ZNF652: variants seen among roughly 807,000 people sequenced by gnomAD.
ZNF652 encodes zinc finger protein 652.
Under a neutral mutation model 45.2 loss-of-function variants are expected in ZNF652, and 16 were observed. The ratio of observed to expected loss-of-function variants is 0.35; its 90% confidence interval spans 0.24 to 0.54. The LOEUF (loss-of-function observed/expected upper bound fraction) is 0.54, where lower values mean the gene tolerates loss of function less well. Among genes scored for constraint, ZNF652 ranks in the 20% least tolerant of loss-of-function variants. The pLI is 0.91. For synonymous variants in ZNF652, 250 were observed against 260.6 expected (o/e 0.96, Z 0.39); for missense variants, 614 against 765.6 (o/e 0.80, Z 2.34).
rs1409034305 is a variant in ZNF652 at position 49,301,593 on chromosome 17, C to T, written c.1310-2669G>A. On this transcript the variant is annotated intron_variant, in intron 5 of 5. Coordinates refer to ENST00000430262, the MANE Select transcript of ZNF652 (RefSeq NM_001145365.3). Reference sequence around the variant, plus strand: ...GATTACAGGTGTGAGCCACCACACCCGGCCCTCTTTACACTTTTCATTCTT... The same window carrying T: ...GATTACAGGTGTGAGCCACCACACCTGGCCCTCTTTACACTTTTCATTCTT... Among the ~76,000 whole-genome samples the T allele has an allele frequency of 3.3e-5, 5 of 152,154 alleles. No homozygotes were observed. In the East Asian group the frequency reaches 7.7e-4, roughly 23 times the overall value.
chr17:49,317,268 T>G lies in ZNF652; in HGVS notation c.458A>C (p.Glu153Ala). ...CTCTTCCTCACTCTCTTCCTCTTCC[T>G]CCTCACTGCTTGTCTTAAGAACAGG... ...ETPVLKTSSE[E>A]EEEESEEEAT... Residue 153 changes from glutamate (E) to alanine (A), a missense_variant, in exon 2 of 6, where the codon GAG becomes GCG. Around this residue, in one of 5 missense-constraint regions of ZNF652, gnomAD observed 262 missense variants for 306.3 expected, o/e 0.86. Transcript: ENST00000430262. 6.2e-7 allele frequency: 1 copy of G among 1,612,872 alleles called. No homozygotes were observed. The highest frequency in any genetic ancestry group is 8.5e-7 in the Non-Finnish European group (1 of 1,180,006).
At chr17:49,316,701 A>G in intron 2 of ZNF652, 125 bp downstream of exon 2, 1 of 1,045,374 alleles carries the variant, frequency 9.6e-7, no homozygotes, top group South Asian at 1.7e-5. Flanking sequence ...AGCTTTTCAA[A>G]TGATAAATTG....
chr17:49,309,720 C>A (rs540236877), intron 5 of ZNF652, among the ~76,000 whole-genome samples: 1 of 152,220 alleles, frequency 6.6e-6, no homozygotes, highest in East Asian at 1.9e-4. Flanking sequence ...TCAAAGTTAT[C>A]ATTTTCTTTT....
In ZNF652 at chr17:49,296,026, A is replaced by C. The variant is rs2069472545; in HGVS notation, c.*2387T>G. The C allele has an allele frequency of 6.6e-6, 1 of 151,876 alleles. No individual in the cohort carries two copies. Among genetic ancestry groups the C allele is most frequent in the African/African-American group, 2.4e-5 (1 of 41,380 alleles). The allele number at this position is 151,876 out of a possible 1,614,324, so 9.4% of individuals were successfully genotyped here. A position where few individuals can be genotyped will look rare whatever the true frequency, so the allele number is the denominator to read the frequency against. ...TACATCTTTTAAAAAAATCATTTTA[A>C]TACTACAGGCTTGACCATGAAATAA... On this transcript the variant is annotated 3_prime_UTR_variant, in exon 6 of 6. Transcript: ENST00000430262.
chr17:49,303,948 G>A (rs899720403), intron 5 of ZNF652, among the ~76,000 whole-genome samples: 4 of 151,852 alleles, frequency 2.6e-5, no homozygotes, highest in Non-Finnish European at 4.4e-5. Context: ...GAGTGCAGTG[G>A]TGTGATCTCA....
downstream of ZNF652, chr17:49,289,169 G>A (rs1433551827): frequency 1.3e-5 from 2 of 151,230 alleles, no homozygotes; most frequent in Non-Finnish European, 2.9e-5. Context: ...GTTGTCACCT[G>A]AGGGTAAGGA....
chr17:49,309,509 GAA>G (rs528221593), intron 5 of ZNF652, among the ~76,000 whole-genome samples: 4 of 132,366 alleles, frequency 3.0e-5, no homozygotes, highest in Admixed American at 7.8e-5. Flanking sequence ...CTCCATCTCG[GAA>G]AAAAAAAAAA....
At chr17:49,343,033 C>T (rs1300098879) in intron 1 of ZNF652, among the ~76,000 whole-genome samples, 1 of 152,022 alleles carries the variant, frequency 6.6e-6, no homozygotes, top group Non-Finnish European at 1.5e-5. Context: ...AGGTGCATGC[C>T]ACCACACCCG....
chr17:49,350,305 A>G (rs1252203989), intron 1 of ZNF652, among the ~76,000 whole-genome samples: 2 of 152,144 alleles, frequency 1.3e-5, no homozygotes, highest in Non-Finnish European at 2.9e-5. Context: ...TTGGGAGGCC[A>G]AGGCGGGCAG....
In ZNF652 at chr17:49,317,527, T is replaced by C. The variant is rs771573953; in HGVS notation, c.199A>G (p.Met67Val). Residue 67 changes from methionine (M) to valine (V), a missense_variant, in exon 2 of 6, where the codon ATG becomes GTG. Coordinates refer to ENST00000430262, the MANE Select transcript of ZNF652 (RefSeq NM_001145365.3). ...SPYSVLVDTK[M>V]SKPHLHETEE... is the part of the protein sequence containing the mutation. ...GTTTCATGGAGATGCGGTTTGCTCA[T>C]CTTGGTGTCCACTAACACAGAATAA... The C allele has an allele frequency of 1.2e-6, 2 of 1,614,160 alleles. No homozygotes were observed. The highest frequency in any genetic ancestry group is 1.7e-5 in the Admixed American group (1 of 60,024).
At chr17:49,312,184 G>A (rs1387438530) in intron 3 of ZNF652, 142 bp from the exon 4 acceptor site, 2 of 283,666 alleles carry the variant, frequency 7.1e-6, no homozygotes, top group Non-Finnish European at 1.2e-5. Context: ...TTTTTTTTTT[G>A]AGATGGAGTC....
In ZNF652 at chr17:49,348,513, A is replaced by C. The variant is rs1029281378; in HGVS notation, c.-259+13396T>G. 1.9e-4 allele frequency among the ~76,000 whole-genome samples: 24 copies of C among 128,298 alleles called. No homozygotes were observed. The South Asian group carries it at 2.6e-3, about 14-fold the overall frequency. 84.2% of individuals were successfully genotyped at this position (128,298 alleles called of 152,430 possible). A position where few individuals can be genotyped will look rare whatever the true frequency, so the allele number is the denominator to read the frequency against. On this transcript the variant is annotated intron_variant, in intron 1 of 5. Transcript: ENST00000430262. ...AGAAAAGAAAAGAAAAGAAAAGAAA[A>C]GAAAAGAAAAGAAAAGAAAAGAAAA...
intron 1 of ZNF652, among the ~76,000 whole-genome samples, chr17:49,340,549 CAAAAAAAA>C (rs1040246588): frequency 1.8e-4 from 9 of 50,126 alleles, no homozygotes; most frequent in South Asian, 1.5e-3. Context: ...GACTCTGTCT[CAAAAAAAA>C]AAAAAAAAAA....
chr17:49,312,788 T>C lies in ZNF652; in HGVS notation c.958A>G (p.Ile320Val). The C allele has an allele frequency of 1.2e-6, 2 of 1,614,036 alleles. No individual in the cohort carries two copies. The highest frequency in any genetic ancestry group is 1.7e-6 in the Non-Finnish European group (2 of 1,179,894). ...KLWSLHEHIK[I>V]VHGYAEKKFS... ...TTCTTTTCTGCATATCCATGGACGA[T>C]CTTGATATGTTCATGAAGGGACCAG... The change falls in exon 3 of 6, where the codon ATC (isoleucine) becomes GTC (valine). Residue 320 changes from isoleucine to valine, a missense_variant. Coordinates refer to ENST00000430262, the MANE Select transcript of ZNF652 (RefSeq NM_001145365.3).
chr17:49,327,730 A>AATATATAT (rs68056731), intron 1 of ZNF652, among the ~76,000 whole-genome samples: 14 of 61,408 alleles, frequency 2.3e-4, no homozygotes, highest in African/African-American at 7.5e-4. Flanking sequence ...TAAATAAATA[A>AATATATAT]ATATATATAT....
chr17:49,319,635 C>CAAAAAA (rs35770760), intron 1 of ZNF652, among the ~76,000 whole-genome samples: 2 of 46,248 alleles, frequency 4.3e-5, no homozygotes, highest in Non-Finnish European at 7.6e-5. Flanking sequence ...GACTCTGTCT[C>CAAAAAA]AAAAAAAAAA....
intron 5 of ZNF652, among the ~76,000 whole-genome samples, chr17:49,304,068 T>TTTTA (rs1555625476): frequency 0.021 from 3,067 of 144,654 alleles, 62 homozygotes; most frequent in Non-Finnish European, 0.031. Flanking sequence ...TTTTTTTTTT[T>TTTTA]TTTTTGTATT....
rs1368631655 is a variant in ZNF652, at chr17:49,293,634, T to A, written c.*4779A>T. Among the ~76,000 whole-genome samples, 1 of 130,218 alleles carries A rather than the reference T, an allele frequency of 7.7e-6. No individual in the cohort carries two copies. 85.4% of individuals were successfully genotyped at this position (130,218 alleles called of 152,430 possible). On this transcript the variant is annotated 3_prime_UTR_variant, in exon 6 of 6. Transcript: ENST00000430262. Reference sequence around the variant, plus strand: ...TGCATAATAATGCCACTATTTCTAATGGCTTATGACCTTTCATTCCTAAAA... The same window carrying A: ...TGCATAATAATGCCACTATTTCTAAAGGCTTATGACCTTTCATTCCTAAAA...
rs574622382 is a variant in ZNF652, at chr17:49,290,484, T to C, written c.*7929A>G. The C allele has an allele frequency of 2.0e-4, 30 of 152,370 alleles. No homozygotes were observed. Among genetic ancestry groups the C allele is most frequent in the African/African-American group, 7.2e-4 (30 of 41,576 alleles). The allele number at this position is 152,370 out of a possible 1,614,324, so 9.4% of individuals were successfully genotyped here. A position where few individuals can be genotyped will look rare whatever the true frequency, so the allele number is the denominator to read the frequency against. ...TTCCCTGATGTAACAGATATCTCTT[T>C]GGAGCAGAGAAGGTGAGAAGCATTT... On this transcript the variant is annotated 3_prime_UTR_variant, in exon 6 of 6. Transcript: ENST00000430262.
Sources: gnomAD v4.1 joint callset for allele counts (sites outside exome capture counted in the v4.1 genomes callset) on GRCh38, gnomAD v4.1.1 for gene constraint, gnomAD v4.1.1 regional missense constraint, MANE v1.5 for transcripts, NCBI Gene and HGNC (gene_info 2026-07-23, HGNC 2026-07-21) for gene names.